Variants in STAB2 observed in about 807,000 individuals in gnomAD.
STAB2 encodes stabilin-2.
Under a neutral mutation model 338.1 loss-of-function variants are expected in STAB2, and 288 were observed. That is an observed-to-expected ratio of 0.85 (90% CI 0.77 to 0.94). The LOEUF (loss-of-function observed/expected upper bound fraction) is 0.94. Ranked by LOEUF, STAB2 falls within the 40% of genes least tolerant of loss-of-function variation. STAB2 has a pLI of 0.00. For synonymous variants in STAB2, 1,202 were observed against 1,193.3 expected (o/e 1.01, Z -0.15); for missense variants, 3,141 against 3,210.1 (o/e 0.98, Z 0.52).
intron 33 of STAB2, among the ~76,000 whole-genome samples, chr12:103,698,388 T>C (rs562937687): frequency 6.6e-6 from 1 of 152,080 alleles, no homozygotes; most frequent in South Asian, 2.1e-4. Context: ...GAAGGGTTAG[T>C]GGTTGGGAAG....
chr12:103,699,011 A>G (rs1270325674), intron 33 of STAB2, 85 bp from the exon 34 acceptor site: 11 of 1,482,284 alleles, frequency 7.4e-6, no homozygotes, highest in Non-Finnish European at 9.0e-6. Flanking sequence ...CCTCTTTGTA[A>G]TCTCCACAGT....
intron 3 of STAB2, among the ~76,000 whole-genome samples, chr12:103,606,543 A>C (rs1957030548): frequency 6.6e-6 from 1 of 152,090 alleles, no homozygotes; most frequent in African/African-American, 2.4e-5. Flanking sequence ...CTAGTGATTA[A>C]TTCTTCTACC....
chr12:103,696,909 A>G (rs760522673), intron 33 of STAB2, among the ~76,000 whole-genome samples: 1 of 152,102 alleles, frequency 6.6e-6, no homozygotes, highest in South Asian at 2.1e-4. Context: ...TATATGGGAG[A>G]GTCTCTGTGT....
rs759249838 is a variant in STAB2 at position 103,590,974 on chromosome 12, G to T, written c.159G>T (p.Lys53Asn). The T allele has an allele frequency of 6.2e-7, 1 of 1,614,078 alleles. No homozygotes were observed. Among genetic ancestry groups the T allele is most frequent in the Admixed American group, 1.7e-5 (1 of 60,022 alleles). Residue 53 changes from lysine (K) to asparagine (N), a missense_variant, in exon 2 of 69, where the codon AAG becomes AAT. Physicochemically the swap from Lys to Asn is moderately conservative, Grantham distance 94 (BLOSUM62 0). Coordinates refer to ENST00000388887, the MANE Select transcript of STAB2 (RefSeq NM_017564.10). ...CCTGCGCTCTCAACCTTGGAGTCAAGTGCCCGGATGGTTACACCATGATTA... is the reference window on the plus strand; with the variant it reads ...CCTGCGCTCTCAACCTTGGAGTCAATTGCCCGGATGGTTACACCATGATTA... ...CRSCALNLGV[K>N]CPDGYTMITS...
At chr12:103,617,783 C>T (rs1957233618) in intron 3 of STAB2, among the ~76,000 whole-genome samples, 1 of 152,242 alleles carries the variant, frequency 6.6e-6, no homozygotes, top group Non-Finnish European at 1.5e-5. Flanking sequence ...GGGGTGCATA[C>T]CTGCCTGATA....
intron 3 of STAB2, among the ~76,000 whole-genome samples, chr12:103,611,655 G>T (rs1241589114): frequency 6.6e-6 from 1 of 152,152 alleles, no homozygotes; most frequent in Non-Finnish European, 1.5e-5. Context: ...TTGCCAGTGT[G>T]TCTTTTAATT....
rs998508404 is a variant in STAB2, at chr12:103,763,264, A to G, written c.7489-228A>G. ...ACATCCTGGGGTATGGAAATGCCCT[A>G]TGTGCCGATTTGGTGGTGATCACAA... On this transcript the variant is annotated intron_variant, in intron 67 of 68. Coordinates refer to ENST00000388887, the MANE Select transcript of STAB2 (RefSeq NM_017564.10). The G allele has an allele frequency of 5.2e-5, 28 of 537,248 alleles. 1 individual carries two copies. Among genetic ancestry groups the G allele is most frequent in the Middle Eastern group, 5.1e-4 (1 of 1,980 alleles). 33.3% of individuals were successfully genotyped at this position (537,248 alleles called of 1,614,324 possible). A position where few individuals can be genotyped will look rare whatever the true frequency, so the allele number is the denominator to read the frequency against.
rs1876313164 is a variant in STAB2 at position 103,676,008 on chromosome 12, G to T, written c.2633G>T (p.Gly878Val). The T allele has an allele frequency of 6.2e-7, 1 of 1,610,192 alleles. No homozygotes were observed. Residue 878 changes from glycine (G) to valine (V), a missense_variant, in exon 24 of 69, where the codon GGC becomes GTC. Transcript: ENST00000388887. ...CCTTGCACAGGACTAACTCCAGGAG[G>T]CTGTAGCCGCAATGTGAGTACTGGT... is the stretch of plus-strand genomic sequence containing the variant. ...MDPCTGLTPG[G>V]CSRNAECIKT...
chr12:103,732,977 C>G (rs1244330899), intron 50 of STAB2, 29 bp from the exon 51 acceptor site: 2 of 1,607,708 alleles, frequency 1.2e-6, no homozygotes, highest in Admixed American at 3.4e-5. Flanking sequence ...TTGCTCAAGC[C>G]AGCAAGGGGC....
intron 6 of STAB2, among the ~76,000 whole-genome samples, chr12:103,633,631 G>A (rs759861044): frequency 3.3e-5 from 5 of 151,762 alleles, no homozygotes; most frequent in Admixed American, 2.0e-4. Context: ...GTGGTGAGCC[G>A]AGATCACACC....
chr12:103,634,971 C>T (rs1420675883), intron 6 of STAB2, among the ~76,000 whole-genome samples: 1 of 152,186 alleles, frequency 6.6e-6, no homozygotes, highest in Admixed American at 6.5e-5. Flanking sequence ...AAAATGTAAT[C>T]CTGAAGGAGC....
intron 10 of STAB2, among the ~76,000 whole-genome samples, chr12:103,650,066 T>A (rs1419673734): frequency 3.3e-5 from 5 of 152,004 alleles, no homozygotes; most frequent in African/African-American, 9.7e-5. Context: ...TATTAAGCAT[T>A]TCAACATGGC....
intron 22 of STAB2, 101 bp from the exon 23 acceptor site, chr12:103,673,805 TG>T (rs1457724044): frequency 1.6e-6 from 2 of 1,239,114 alleles, no homozygotes; most frequent in African/African-American, 1.5e-5. Context: ...CAAGAGTGAG[TG>T]GGGGGTGAGA....
At chr12:103,650,614 A>T in intron 11 of STAB2, 36 bp downstream of exon 11, 4 of 1,574,336 alleles carry the variant, frequency 2.5e-6, no homozygotes, top group East Asian at 2.2e-5. Flanking sequence ...CAAGGGGCTA[A>T]TATGAAAAGC....
intron 15 of STAB2, 93 bp downstream of exon 15, chr12:103,655,674 T>G (rs1008523787): frequency 3.1e-5 from 47 of 1,509,956 alleles, no homozygotes; most frequent in Non-Finnish European, 3.9e-5. Context: ...AGATAGTAAA[T>G]AAGTTGTACA....
At chr12:103,723,978 G>C (rs551293629) in intron 44 of STAB2, among the ~76,000 whole-genome samples, 2 of 151,626 alleles carry the variant, frequency 1.3e-5, no homozygotes, top group South Asian at 2.1e-4. Context: ...CTTTAATGTT[G>C]ACTGCAAAGC....
chr12:103,732,917 G>T, intron 50 of STAB2, 89 bp from the exon 51 acceptor site: 1 of 1,500,950 alleles, frequency 6.7e-7, no homozygotes, highest in Non-Finnish European at 9.0e-7. Flanking sequence ...ACGGGCTTGA[G>T]CATGGAGGAG....
intron 3 of STAB2, among the ~76,000 whole-genome samples, chr12:103,619,826 G>C (rs1041616016): frequency 8.3e-5 from 12 of 144,802 alleles, no homozygotes; most frequent in African/African-American, 3.1e-4. Context: ...GTCATTCCCA[G>C]AACAGGTCAT....
At chr12:103,648,614 T>G in intron 9 of STAB2, 76 bp from the exon 10 acceptor site, 1 of 1,544,866 alleles carries the variant, frequency 6.5e-7, no homozygotes, top group Non-Finnish European at 8.7e-7. Context: ...ATCTGTTCAA[T>G]GAGGGGATTG....
Sources: gnomAD v4.1 joint callset for allele counts (sites outside exome capture counted in the v4.1 genomes callset) on GRCh38, gnomAD v4.1.1 for gene constraint, MANE v1.5 for transcripts, NCBI Gene and HGNC (gene_info 2026-07-23, HGNC 2026-07-21) for gene names.